Variants in SLC25A31 observed in about 807,000 individuals in gnomAD.
SLC25A31 encodes solute carrier family 25 member 31, also known as ADP/ATP translocase 4.
SLC25A31 carries 40 observed loss-of-function variants against 36.2 expected under a neutral mutation model. That is an observed-to-expected ratio of 1.10 (90% CI 0.86 to 1.44). The LOEUF is 1.44. SLC25A31 is among the 40% of genes most tolerant of loss of function. SLC25A31 has a pLI of 0.00. For synonymous variants in SLC25A31, 143 were observed against 149.7 expected (o/e 0.96, Z 0.32); for missense variants, 350 against 397.1 (o/e 0.88, Z 1.01).
chr4:127,736,476 C>T lies in SLC25A31; in HGVS notation c.232+5699C>T, dbSNP rs567725534. Among the ~76,000 whole-genome samples, 9 of 152,268 alleles carry T rather than the reference C, an allele frequency of 5.9e-5. No individual in the cohort carries two copies. The South Asian group carries it at 1.9e-3, about 32-fold the overall frequency. ...TGACTAGAGAGTCAAAACGTTCCTG[C>T]CATTGTATCACTTCTGCTTTAACCT... On this transcript the variant is annotated intron_variant, in intron 1 of 5. Transcript: ENST00000281154.
At chr4:127,746,105 ACT>A (rs1333494465) in intron 2 of SLC25A31, among the ~76,000 whole-genome samples, 1 of 151,644 alleles carries the variant, frequency 6.6e-6, no homozygotes, top group Non-Finnish European at 1.5e-5. Flanking sequence ...ATAGCCTCAA[ACT>A]CTGTTCATGT....
intron 1 of SLC25A31, among the ~76,000 whole-genome samples, chr4:127,732,836 A>T (rs1731555077): frequency 6.6e-6 from 1 of 152,194 alleles, no homozygotes; most frequent in Non-Finnish European, 1.5e-5. Flanking sequence ...TCTAGAGGCA[A>T]TTTCGGAAAC....
intron 2 of SLC25A31, among the ~76,000 whole-genome samples, chr4:127,751,874 A>G (rs1302062388): frequency 1.3e-5 from 2 of 152,060 alleles, no homozygotes; most frequent in Admixed American, 6.6e-5. Context: ...ATGAGATACC[A>G]TCTCACACCA....
At chr4:127,772,093 T>C (rs1732374119) in intron 5 of SLC25A31, among the ~76,000 whole-genome samples, 1 of 152,212 alleles carries the variant, frequency 6.6e-6, no homozygotes, top group Admixed American at 6.5e-5. Flanking sequence ...CCTCATAAAA[T>C]ACGTTGAGGA....
At chr4:127,767,313 T>C (rs1732264856) in intron 4 of SLC25A31, 93 bp downstream of exon 4, 1 of 1,108,358 alleles carries the variant, frequency 9.0e-7, no homozygotes, top group Non-Finnish European at 1.2e-6. Flanking sequence ...CTTTTAATTA[T>C]AAAAATAAAA....
At chr4:127,739,245 C>G (rs1731689557) in intron 1 of SLC25A31, among the ~76,000 whole-genome samples, 1 of 152,066 alleles carries the variant, frequency 6.6e-6, no homozygotes, top group Non-Finnish European at 1.5e-5. Context: ...TCTTTCATTT[C>G]CATGTGTAGA....
intron 2 of SLC25A31, 73 bp from the exon 3 acceptor site, chr4:127,764,167 AAAT>A (rs1248783014): frequency 7.8e-7 from 1 of 1,275,902 alleles, no homozygotes; most frequent in African/African-American, 1.5e-5. Flanking sequence ...ACATTTATAA[AAAT>A]AAGAATTTAC....
At position 127,767,096 on chromosome 4, in the gene SLC25A31, G is replaced by A; in HGVS notation, c.509G>A (p.Gly170Asp). The A allele has an allele frequency of 6.2e-7, 1 of 1,613,250 alleles. No homozygotes were observed. Among genetic ancestry groups the A allele is most frequent in the Non-Finnish European group, 8.5e-7 (1 of 1,179,696 alleles). ...GPEERQFKGLGDCIMKIAKSD... is the reference protein window; with the variant it reads ...GPEERQFKGLDDCIMKIAKSD... ...GAGGAGCGACAATTCAAGGGTTTAG[G>A]TGACTGTATTATGAAAATAGCAAAA... The change falls in exon 4 of 6, where the codon GGT becomes GAT. Residue 170 changes from glycine (G) to aspartate (D), a missense_variant. Gly to Asp is a moderately conservative substitution (Grantham distance 94). Coordinates refer to ENST00000281154, the MANE Select transcript of SLC25A31 (RefSeq NM_031291.4).
At chr4:127,747,120 C>T (rs1356102568) in intron 2 of SLC25A31, among the ~76,000 whole-genome samples, 1 of 152,128 alleles carries the variant, frequency 6.6e-6, no homozygotes, top group Non-Finnish European at 1.5e-5. Context: ...CTATTCTGTT[C>T]CATTGGCCTA....
At chr4:127,748,020 T>C (rs1399468878) in intron 2 of SLC25A31, among the ~76,000 whole-genome samples, 5 of 152,206 alleles carry the variant, frequency 3.3e-5, no homozygotes, top group Admixed American at 3.3e-4. Flanking sequence ...CGTGATGTGT[T>C]GCCACAGTGA....
chr4:127,750,245 G>A (rs1731904347), intron 2 of SLC25A31, among the ~76,000 whole-genome samples: 1 of 152,170 alleles, frequency 6.6e-6, no homozygotes, highest in Admixed American at 6.5e-5. Context: ...ATAAACTTAA[G>A]TGGTAAAGGT....
At position 127,745,301 on chromosome 4, in the gene SLC25A31, A is replaced by G. The variant is rs908899323; in HGVS notation, c.360+502A>G. Among the ~76,000 whole-genome samples the G allele has an allele frequency of 3.1e-5, 3 of 96,960 alleles. No individual in the cohort carries two copies. In the Admixed American group the frequency reaches 4.0e-4, roughly 13 times the overall value. 63.6% of individuals were successfully genotyped at this position (96,960 alleles called of 152,430 possible). A position where few individuals can be genotyped will look rare whatever the true frequency, so the allele number is the denominator to read the frequency against. ...AAACTAGAGAATTCTTTTTATTGCA[A>G]GGATACTTTTTTTTTTTTCGAAGTA... is the stretch of plus-strand genomic sequence containing the variant. On this transcript the variant is annotated intron_variant, in intron 2 of 5. Coordinates refer to ENST00000281154, the MANE Select transcript of SLC25A31 (RefSeq NM_031291.4).
intron 1 of SLC25A31, among the ~76,000 whole-genome samples, chr4:127,732,800 A>G (rs1277762969): frequency 2.0e-5 from 3 of 152,224 alleles, no homozygotes. Context: ...CTAAGAGATC[A>G]GTAATTTACA....
chr4:127,744,584 ATAGT>A (rs1225932791), intron 1 of SLC25A31, 84 bp from the exon 2 acceptor site: 2 of 1,139,318 alleles, frequency 1.8e-6, no homozygotes, highest in East Asian at 2.5e-5. Context: ...TATGTTTTAG[ATAGT>A]TCATATAGCT....
intron 2 of SLC25A31, among the ~76,000 whole-genome samples, chr4:127,759,556 G>C (rs551915396): frequency 1.3e-5 from 2 of 152,128 alleles, no homozygotes; most frequent in Admixed American, 6.5e-5. Flanking sequence ...ACTTTTGATA[G>C]GGCAAATATT....
intron 2 of SLC25A31, among the ~76,000 whole-genome samples, chr4:127,748,853 C>T (rs974482279): frequency 6.6e-6 from 1 of 152,020 alleles, no homozygotes; most frequent in African/African-American, 2.4e-5. Context: ...CAATACAAGG[C>T]TACATGGATA....
intron 2 of SLC25A31, among the ~76,000 whole-genome samples, chr4:127,762,495 C>T (rs1270571118): frequency 6.6e-6 from 1 of 152,100 alleles, no homozygotes. Flanking sequence ...ATATTCTAAG[C>T]TGTGGTGATG....
At chr4:127,744,550 C>T in intron 1 of SLC25A31, 122 bp from the exon 2 acceptor site, 6 of 868,950 alleles carry the variant, frequency 6.9e-6, no homozygotes, top group Non-Finnish European at 9.7e-6. Flanking sequence ...TTTTAGAAAA[C>T]TTTATTTTTC....
chr4:127,761,113 T>G (rs1732120612), intron 2 of SLC25A31, among the ~76,000 whole-genome samples: 1 of 152,164 alleles, frequency 6.6e-6, no homozygotes, highest in African/African-American at 2.4e-5. Flanking sequence ...ATGGGCAGAT[T>G]CTTACTGCCT....
Sources: allele counts gnomAD v4.1 joint callset (sites outside exome capture counted in the v4.1 genomes callset), GRCh38; gene constraint gnomAD v4.1.1; transcripts MANE v1.5; gene names NCBI Gene and HGNC (gene_info 2026-07-23, HGNC 2026-07-21).